The following SUGCT variants were observed in gnomAD, a reference collection of about 807,000 sequenced individuals.
SUGCT encodes succinyl-CoA:glutarate-CoA transferase, also known as succinyl-CoA:glutarate CoA-transferase.
Under a neutral mutation model 55.0 loss-of-function variants are expected in SUGCT, and 41 were observed. That is an observed-to-expected ratio of 0.74 (90% CI 0.58 to 0.97). The LOEUF is 0.97. Among genes scored for constraint, SUGCT ranks in the 50% least tolerant of loss-of-function variants. SUGCT has a pLI of 0.00. For synonymous variants in SUGCT, 187 were observed against 200.4 expected (o/e 0.93, Z 0.56); for missense variants, 568 against 547.8 (o/e 1.04, Z -0.37).
the SUGCT span, among the ~76,000 whole-genome samples, chr7:40,866,916 G>A: frequency 3.3e-5 from 5 of 151,872 alleles, no homozygotes; most frequent in Non-Finnish European, 5.9e-5. Flanking sequence ...GGTGACATGA[G>A]GTGAAATGAG....
intron 12 of SUGCT, among the ~76,000 whole-genome samples, chr7:40,739,578 T>C (rs1787355881): frequency 6.6e-6 from 1 of 152,190 alleles, no homozygotes; most frequent in African/African-American, 2.4e-5. Flanking sequence ...TTTGAATTAA[T>C]TTTTTACAAT....
At chr7:40,159,756 G>A (rs1312508739) in intron 1 of SUGCT, among the ~76,000 whole-genome samples, 1 of 152,146 alleles carries the variant, frequency 6.6e-6, no homozygotes, top group African/African-American at 2.4e-5. Context: ...TGGCTTCTGA[G>A]GCTGCTGTGA....
At chr7:40,853,078 A>C (rs1381743741) in intron 13 of SUGCT, among the ~76,000 whole-genome samples, 13 of 144,974 alleles carry the variant, frequency 9.0e-5, no homozygotes, top group Non-Finnish European at 2.0e-4. Flanking sequence ...CAACACTTCA[A>C]AAAAAAAAAA....
the SUGCT span, among the ~76,000 whole-genome samples, chr7:40,927,622 A>G: frequency 0.13 from 20,025 of 152,190 alleles, 1,445 homozygotes; most frequent in African/African-American, 0.18. Flanking sequence ...GGGACAACAT[A>G]AAAGACCACT....
the SUGCT span, among the ~76,000 whole-genome samples, chr7:40,918,190 C>T: frequency 2.6e-5 from 4 of 152,136 alleles, no homozygotes; most frequent in East Asian, 3.9e-4. Flanking sequence ...AGGCCAGTCG[C>T]GGTGGTTCAC....
the SUGCT span, among the ~76,000 whole-genome samples, chr7:40,991,778 A>G: frequency 0.016 from 2,389 of 152,230 alleles, 61 homozygotes; most frequent in African/African-American, 0.053. Context: ...ATGGGCATGA[A>G]ACAACTTGGG....
At chr7:40,827,100 A>C (rs1260692188) in intron 13 of SUGCT, among the ~76,000 whole-genome samples, 1 of 152,202 alleles carries the variant, frequency 6.6e-6, no homozygotes, top group Admixed American at 6.5e-5. Flanking sequence ...CTGTCATACA[A>C]ACAAAGGAAG....
At chr7:40,558,601 C>T (rs1401901617) in intron 12 of SUGCT, among the ~76,000 whole-genome samples, 2 of 152,026 alleles carry the variant, frequency 1.3e-5, no homozygotes, top group South Asian at 2.1e-4. Context: ...TACCAGGCTT[C>T]GGTTGGTGGG....
At chr7:40,574,727 C>T (rs931803938) in intron 12 of SUGCT, among the ~76,000 whole-genome samples, 18 of 152,000 alleles carry the variant, frequency 1.2e-4, no homozygotes, top group African/African-American at 1.7e-4. Flanking sequence ...CCACCGTGCC[C>T]GGCTGGGCCT....
chr7:40,369,621 G>T (rs532388089), intron 9 of SUGCT, among the ~76,000 whole-genome samples: 60 of 152,250 alleles, frequency 3.9e-4, no homozygotes, highest in African/African-American at 1.3e-3. Context: ...GGAGGGTGCA[G>T]ACATCAGTCC....
intron 12 of SUGCT, among the ~76,000 whole-genome samples, chr7:40,711,291 C>T (rs1326901975): frequency 6.6e-6 from 1 of 152,172 alleles, no homozygotes; most frequent in Non-Finnish European, 1.5e-5. Context: ...GTGGGTGGAT[C>T]ACAAGGTCAG....
At chr7:40,991,480 A>G in the SUGCT span, among the ~76,000 whole-genome samples, 1 of 152,182 alleles carries the variant, frequency 6.6e-6, no homozygotes, top group African/African-American at 2.4e-5. Flanking sequence ...GAAAAATGAC[A>G]CCGATAGACT....
intron 13 of SUGCT, among the ~76,000 whole-genome samples, chr7:40,750,285 T>G (rs1202221143): frequency 6.6e-6 from 1 of 152,212 alleles, no homozygotes; most frequent in East Asian, 1.9e-4. Flanking sequence ...AAATCCACAT[T>G]CCAGCAATGG....
At chr7:40,871,228 T>G in the SUGCT span, among the ~76,000 whole-genome samples, 2 of 152,222 alleles carry the variant, frequency 1.3e-5, no homozygotes, top group Admixed American at 6.5e-5. Context: ...CTTGCACATA[T>G]TTTTAAAACC....
chr7:40,547,131 A>G (rs1795033319), intron 12 of SUGCT, among the ~76,000 whole-genome samples: 1 of 152,150 alleles, frequency 6.6e-6, no homozygotes, highest in African/African-American at 2.4e-5. Flanking sequence ...GTTGACAAGC[A>G]GGAAAGCCAG....
At chr7:40,788,239 C>T (rs1790129981) in intron 13 of SUGCT, among the ~76,000 whole-genome samples, 1 of 152,178 alleles carries the variant, frequency 6.6e-6, no homozygotes, top group Non-Finnish European at 1.5e-5. Flanking sequence ...GACCCCTTCC[C>T]CGGCCAGCAT....
chr7:40,845,432 C>G (rs1460529763), intron 13 of SUGCT, among the ~76,000 whole-genome samples: 1 of 152,194 alleles, frequency 6.6e-6, no homozygotes, highest in Non-Finnish European at 1.5e-5. Flanking sequence ...CTGGAAGAAA[C>G]AGCAGGGGAG....
chr7:40,992,893 A>G, the SUGCT span, among the ~76,000 whole-genome samples: 1 of 152,210 alleles, frequency 6.6e-6, no homozygotes, highest in Non-Finnish European at 1.5e-5. Context: ...AGGCTTGAGC[A>G]TTGTGAGAGA....
At chr7:40,772,760 A>G (rs772715242) in intron 13 of SUGCT, among the ~76,000 whole-genome samples, 2 of 151,920 alleles carry the variant, frequency 1.3e-5, no homozygotes, top group Non-Finnish European at 2.9e-5. Flanking sequence ...CCCCCTTAGT[A>G]TCTGGGACTA....
Sources: gnomAD v4.1 joint callset for allele counts (sites outside exome capture counted in the v4.1 genomes callset) on GRCh38, gnomAD v4.1.1 for gene constraint, MANE v1.5 for transcripts, NCBI Gene and HGNC (gene_info 2026-07-23, HGNC 2026-07-21) for gene names.